Variants in SOX6 observed in about 807,000 individuals in gnomAD.
The protein encoded by SOX6 is transcription factor SOX-6.
A neutral mutation model predicts 97.8 loss-of-function variants in SOX6; 11 were observed. That is an observed-to-expected ratio of 0.11 (90% CI 0.07 to 0.19). The LOEUF is 0.19. SOX6 is among the 10% of genes least tolerant of loss of function. The pLI is 1.00. For synonymous variants in SOX6, 360 were observed against 371.4 expected, an observed-to-expected ratio of 0.97 and a Z score of 0.35; for missense variants, 810 against 1,039.5, an observed-to-expected ratio of 0.78 and a Z score of 3.04.
intron 3 of SOX6, among the ~76,000 whole-genome samples, chr11:16,274,359 T>G (rs1395968265): frequency 6.6e-6 from 1 of 152,110 alleles, no homozygotes; most frequent in East Asian, 1.9e-4. Flanking sequence ...TTTCCATTTG[T>G]CCACCCATCC....
intron 9 of SOX6, among the ~76,000 whole-genome samples, chr11:16,077,712 A>T (rs1848388265): frequency 6.6e-6 from 1 of 152,214 alleles, no homozygotes; most frequent in African/African-American, 2.4e-5. Flanking sequence ...AGGAACAGAA[A>T]ATCAAATACC....
intron 6 of SOX6, among the ~76,000 whole-genome samples, chr11:16,163,423 T>C (rs1850805341): frequency 6.6e-6 from 1 of 152,202 alleles, no homozygotes; most frequent in Non-Finnish European, 1.5e-5. Context: ...ATTATATTTA[T>C]AGAAAATAAA....
chr11:15,982,763 G>A (rs914027375), intron 15 of SOX6, among the ~76,000 whole-genome samples: 2 of 151,826 alleles, frequency 1.3e-5, no homozygotes, highest in Admixed American at 6.6e-5. Flanking sequence ...ACATTTTCTC[G>A]AATTTTTTTA....
intron 4 of SOX6, among the ~76,000 whole-genome samples, chr11:16,199,574 A>G (rs569877811): frequency 6.6e-6 from 1 of 152,334 alleles, no homozygotes; most frequent in East Asian, 1.9e-4. Flanking sequence ...CTAGTTTAAG[A>G]CAATGACTTC....
At chr11:16,573,746 A>T (rs750751909) in intron 4 of SOX6, among the ~76,000 whole-genome samples, 5 of 152,200 alleles carry the variant, frequency 3.3e-5, no homozygotes, top group Non-Finnish European at 5.9e-5. Flanking sequence ...GTGTAACACT[A>T]TGAGGGCACA....
intron 15 of SOX6, among the ~76,000 whole-genome samples, chr11:15,975,076 T>C (rs1429933579): frequency 2.0e-5 from 3 of 152,202 alleles, no homozygotes; most frequent in Non-Finnish European, 4.4e-5. Flanking sequence ...CTATAGAACC[T>C]GTCAGCACCT....
At position 16,597,310 on chromosome 11, in the gene SOX6, A is replaced by ATATG. The variant is rs1397197853; in HGVS notation, n.609+14767_609+14770dup. 1.1e-4 allele frequency among the ~76,000 whole-genome samples: 16 copies of ATATG among 144,932 alleles called. No homozygotes were observed. The East Asian group carries it at 1.8e-3, about 16-fold the overall frequency. On this transcript the variant is annotated intron_variant and non_coding_transcript_variant, in intron 4 of 5. Coordinates refer to the SOX6 transcript ENST00000524520. ...GTTCTACCCACTTATATGTATATAT[A>ATATG]TATGTATGTATGTATGTATATGTGT...
chr11:16,398,013 A>T (rs1432135286), intron 1 of SOX6, among the ~76,000 whole-genome samples: 1 of 151,540 alleles, frequency 6.6e-6, no homozygotes, highest in Non-Finnish European at 1.5e-5. Context: ...ATGGTCCCTT[A>T]TCCTACAATA....
At chr11:16,602,509 A>C (rs1444808454) in intron 4 of SOX6, among the ~76,000 whole-genome samples, 2 of 152,128 alleles carry the variant, frequency 1.3e-5, no homozygotes, top group Admixed American at 1.3e-4. Context: ...CTGTAGAAGG[A>C]AAAAAACTAC....
chr11:16,071,280 C>G (rs142020729), intron 9 of SOX6, among the ~76,000 whole-genome samples: 15 of 152,248 alleles, frequency 9.9e-5, no homozygotes, highest in Admixed American at 1.3e-4. Context: ...GACAGCAGGG[C>G]AGGCAACTTT....
chr11:16,013,567 C>A (rs1854793912), intron 13 of SOX6, among the ~76,000 whole-genome samples: 1 of 151,982 alleles, frequency 6.6e-6, no homozygotes, highest in South Asian at 2.1e-4. Flanking sequence ...TTTGAGTAAT[C>A]TTTATGCCTC....
chr11:16,480,408 A>T (rs1001408231), upstream of SOX6, among the ~76,000 whole-genome samples: 1 of 151,992 alleles, frequency 6.6e-6, no homozygotes, highest in Non-Finnish European at 1.5e-5. Context: ...AGTTTAAAAA[A>T]CCCTCAAAAT....
chr11:16,689,739 C>G (rs1401030983), intron 3 of SOX6, among the ~76,000 whole-genome samples: 1 of 152,068 alleles, frequency 6.6e-6, no homozygotes. Flanking sequence ...TAAGTACATT[C>G]TAGATAATTT....
At chr11:16,590,598 T>C (rs1848138628) in intron 4 of SOX6, among the ~76,000 whole-genome samples, 1 of 152,118 alleles carries the variant, frequency 6.6e-6, no homozygotes, top group Admixed American at 6.5e-5. Flanking sequence ...ATATTCACAA[T>C]GGAGTACTAT....
Position 16,656,448 on chromosome 11 carries a change from C to A in SOX6, n.430-44188G>T, listed in dbSNP as rs544491044. ...ATGAATACATAGTGGACCACGCTCA[C>A]AGAAACAGTATTTTAGCTTAACTCC... On this transcript the variant is annotated intron_variant and non_coding_transcript_variant, in intron 3 of 5. Transcript: ENST00000524520. 2.4e-4 allele frequency among the ~76,000 whole-genome samples: 37 copies of A among 152,248 alleles called. 1 individual carries two copies. The highest frequency in any genetic ancestry group is 8.9e-4 in the African/African-American group (37 of 41,540).
chr11:16,199,423 T>A (rs1383147467), intron 4 of SOX6, among the ~76,000 whole-genome samples: 2 of 152,206 alleles, frequency 1.3e-5, no homozygotes, highest in African/African-American at 4.8e-5. Context: ...GTTAAAAATA[T>A]GTCCAAGATC....
intron 3 of SOX6, among the ~76,000 whole-genome samples, chr11:16,664,349 G>A (rs946697605): frequency 1.3e-5 from 2 of 152,172 alleles, no homozygotes; most frequent in African/African-American, 4.8e-5. Flanking sequence ...CCTGGCACAG[G>A]CCACAAGGAG....
intron 13 of SOX6, among the ~76,000 whole-genome samples, chr11:16,010,318 A>C (rs1323133710): frequency 6.6e-6 from 1 of 152,012 alleles, no homozygotes; most frequent in Non-Finnish European, 1.5e-5. Flanking sequence ...TTTCCATTTG[A>C]ATCAATGCAA....
intron 1 of SOX6, among the ~76,000 whole-genome samples, chr11:16,351,712 AC>A: frequency 6.6e-6 from 1 of 152,058 alleles, no homozygotes; most frequent in Middle Eastern, 3.2e-3. Context: ...GTGTTAGGAA[AC>A]CAACTGAGAC....
Sources: allele counts gnomAD v4.1 joint callset (sites outside exome capture counted in the v4.1 genomes callset), GRCh38; gene constraint gnomAD v4.1.1; transcripts MANE v1.5; gene names NCBI Gene and HGNC (gene_info 2026-07-23, HGNC 2026-07-21).